The following EML1 variants were observed in gnomAD, a reference collection of about 807,000 sequenced individuals.
The protein encoded by EML1 is EMAP like 1, also known as echinoderm microtubule-associated protein-like 1.
Under a neutral mutation model 110.4 loss-of-function variants are expected in EML1, and 27 were observed. The ratio of observed to expected loss-of-function variants is 0.24; its 90% confidence interval spans 0.18 to 0.34. The LOEUF (loss-of-function observed/expected upper bound fraction) is 0.34, where lower values mean the gene tolerates loss of function less well. EML1 is among the 10% of genes least tolerant of loss of function. The probability of loss-of-function intolerance (pLI) is 1.00; values close to 1 mark genes in which losing one functional copy is unlikely to be tolerated. For synonymous variants in EML1, 344 were observed against 385.8 expected, an observed-to-expected ratio of 0.89 and a Z score of 1.27; for missense variants, 741 against 1,030.9, an observed-to-expected ratio of 0.72 and a Z score of 3.85.
intron 17 of EML1, among the ~76,000 whole-genome samples, chr14:99,932,770 A>T (rs1229103642): frequency 6.6e-6 from 1 of 152,088 alleles, no homozygotes; most frequent in Non-Finnish European, 1.5e-5. Context: ...ATGTTGTAAC[A>T]TGACTTTTTT....
chr14:99,903,701 A>G (rs1202054712), intron 9 of EML1, among the ~76,000 whole-genome samples: 1 of 152,154 alleles, frequency 6.6e-6, no homozygotes, highest in African/African-American at 2.4e-5. Context: ...TGACTTTTAT[A>G]CCAAATAAGC....
At chr14:99,818,356 A>G (rs916096957) in intron 1 of EML1, among the ~76,000 whole-genome samples, 4 of 152,270 alleles carry the variant, frequency 2.6e-5, no homozygotes, top group South Asian at 4.1e-4. Flanking sequence ...GGAGGTGACA[A>G]TGGAGGTGAA....
chr14:99,762,842 T>G (rs899209800), intron 1 of EML1, among the ~76,000 whole-genome samples: 1 of 152,128 alleles, frequency 6.6e-6, no homozygotes, highest in African/African-American at 2.4e-5. Flanking sequence ...ATGGAGAAAC[T>G]GGAACTCACA....
At chr14:99,880,861 T>G (rs944591501) in intron 4 of EML1, among the ~76,000 whole-genome samples, 1 of 152,210 alleles carries the variant, frequency 6.6e-6, no homozygotes, top group Non-Finnish European at 1.5e-5. Flanking sequence ...GCGTAGGGCT[T>G]GGCACTCAGT....
chr14:99,808,119 C>A (rs7150804), intron 1 of EML1, among the ~76,000 whole-genome samples: 19 of 152,092 alleles, frequency 1.2e-4, no homozygotes, highest in Admixed American at 1.2e-3. Flanking sequence ...GATACATACC[C>A]CTCTGATCAC....
At chr14:99,769,492 T>G (rs1220182141), upstream of EML1, among the ~76,000 whole-genome samples, 4 of 152,188 alleles carry the variant, frequency 2.6e-5, no homozygotes, top group Non-Finnish European at 5.9e-5. Context: ...CAAGCTCCTC[T>G]CCATTTCCAG....
chr14:99,797,087 A>G (rs1482029066), intron 1 of EML1, among the ~76,000 whole-genome samples: 1 of 152,206 alleles, frequency 6.6e-6, no homozygotes, highest in East Asian at 1.9e-4. Flanking sequence ...AAGAAACCCT[A>G]GTACCTACTA....
intron 17 of EML1, among the ~76,000 whole-genome samples, chr14:99,929,386 A>G (rs2060325499): frequency 6.6e-6 from 1 of 152,204 alleles, no homozygotes; most frequent in Non-Finnish European, 1.5e-5. Context: ...TATCATCATC[A>G]GTAACAGCAG....
In EML1 at chr14:99,907,670, C is replaced by T. The variant is rs1022381174; in HGVS notation, c.1041C>T (p.Asp347=). The T allele has an allele frequency of 8.1e-6, 13 of 1,614,196 alleles. 1 individual carries two copies. The highest frequency in any genetic ancestry group is 7.7e-5 in the South Asian group (7 of 91,090). The stretch of plus-strand genomic sequence containing the variant: ...GAACCAATCTCTGTGCTGTGGATGA[C>T]TCCAACGACCATGTGCTCTCTGTAT... ...NGGTNLCAVD[D]SNDHVLSVWD... Residue 347 remains aspartate, a synonymous_variant, in exon 10 of 22, where the codon GAC becomes GAT. Transcript: ENST00000262233.
chr14:99,844,303 AC>A (rs944318272), intron 1 of EML1, among the ~76,000 whole-genome samples: 1 of 151,940 alleles, frequency 6.6e-6, no homozygotes, highest in Non-Finnish European at 1.5e-5. Flanking sequence ...ACATAGCGAA[AC>A]CCCGTCTCTA....
chr14:99,801,011 C>T (rs1432918863), intron 1 of EML1, among the ~76,000 whole-genome samples: 2 of 152,194 alleles, frequency 1.3e-5, no homozygotes, highest in South Asian at 2.1e-4. Flanking sequence ...AGGTGACTGG[C>T]CCCCTGAGGC....
At chr14:99,775,010 TA>T (rs950691923) in intron 1 of EML1, among the ~76,000 whole-genome samples, 4 of 151,836 alleles carry the variant, frequency 2.6e-5, no homozygotes, top group East Asian at 1.9e-4. Context: ...CTTTTCTGTT[TA>T]AAAAAAAATA....
intron 2 of EML1, among the ~76,000 whole-genome samples, chr14:99,851,469 G>A (rs552641106): frequency 2.0e-5 from 3 of 152,184 alleles, no homozygotes; most frequent in East Asian, 1.9e-4. Flanking sequence ...CACCACGCCC[G>A]GCTTATTTTT....
At chr14:99,888,888 C>T (rs1410718576) in intron 4 of EML1, among the ~76,000 whole-genome samples, 2 of 152,070 alleles carry the variant, frequency 1.3e-5, no homozygotes, top group African/African-American at 4.8e-5. Flanking sequence ...TGAGTGTGGA[C>T]TGGCAGGAGA....
intron 17 of EML1, among the ~76,000 whole-genome samples, chr14:99,934,921 G>A (rs1473616932): frequency 1.3e-5 from 2 of 152,146 alleles, no homozygotes; most frequent in African/African-American, 4.8e-5. Flanking sequence ...CACAAGCATC[G>A]CAGCCTGGGT....
chr14:99,911,667 G>A, intron 13 of EML1, 91 bp downstream of exon 13: 10 of 1,445,556 alleles, frequency 6.9e-6, no homozygotes, highest in Non-Finnish European at 9.3e-6. Flanking sequence ...TTACAGTTTT[G>A]AAAATTGTTT....
chr14:99,919,652 G>T (rs1207525864), intron 16 of EML1, among the ~76,000 whole-genome samples: 1 of 152,134 alleles, frequency 6.6e-6, no homozygotes, highest in African/African-American at 2.4e-5. Context: ...ACCTAATCCA[G>T]CCCCTCATCT....
In EML1 at chr14:99,898,252, C is replaced by A; in HGVS notation, c.847C>A (p.Arg283=). 6.2e-7 allele frequency: 1 copy of A among 1,609,124 alleles called. No individual in the cohort carries two copies. The highest frequency in any genetic ancestry group is 8.5e-7 in the Non-Finnish European group (1 of 1,176,960). The change falls in exon 8 of 22, where the codon CGG becomes AGG. Residue 283 remains arginine (R), a synonymous_variant. Transcript: ENST00000262233. ...DVKCLAVHPD[R]ITIATGQVAG... is the part of the protein sequence containing the mutation. ...TCTTAGCCTAGCAGTTCATCCTGAT[C>A]GGATCACGATAGCAACAGGACAAGT...
chr14:99,761,924 CA>C (rs35254638), intron 1 of EML1, among the ~76,000 whole-genome samples: 57,815 of 126,988 alleles, frequency 0.46, 12,007 homozygotes, highest in Admixed American at 0.59. Context: ...GACTCTGTCT[CA>C]AAAAAAAAAA....
Sources: gnomAD v4.1 joint callset for allele counts (sites outside exome capture counted in the v4.1 genomes callset) on GRCh38, gnomAD v4.1.1 for gene constraint, MANE v1.5 for transcripts, NCBI Gene and HGNC (gene_info 2026-07-23, HGNC 2026-07-21) for gene names.